The following LRFN2 variants were observed in gnomAD, a reference collection of about 807,000 sequenced individuals.
LRFN2 encodes leucine rich repeat and fibronectin type III domain containing 2, also known as leucine-rich repeat and fibronectin type-III domain-containing protein 2.
In LRFN2, 18 loss-of-function variants were observed where a neutral mutation model predicts 37.3. The ratio of observed to expected loss-of-function variants is 0.48; its 90% confidence interval spans 0.33 to 0.72. The LOEUF (loss-of-function observed/expected upper bound fraction) is 0.72, where lower values mean the gene tolerates loss of function less well. Ranked by LOEUF, LRFN2 falls within the 30% of genes least tolerant of loss-of-function variation. The pLI is 0.02. For missense variants in LRFN2, 1,006 were observed against 1,060.7 expected, an observed-to-expected ratio of 0.95 and a Z score of 0.72; for synonymous variants, 556 against 466.6, an observed-to-expected ratio of 1.19 and a Z score of -2.47.
intron 2 of LRFN2, among the ~76,000 whole-genome samples, chr6:40,398,927 C>A (rs757505406): frequency 2.0e-5 from 3 of 151,850 alleles, no homozygotes; most frequent in Non-Finnish European, 4.4e-5. Context: ...CTACTGTGGG[C>A]TCTCGAATCT....
chr6:40,454,773 A>G (rs547503739), intron 1 of LRFN2, among the ~76,000 whole-genome samples: 9 of 152,330 alleles, frequency 5.9e-5, no homozygotes, highest in Non-Finnish European at 1.3e-4. Flanking sequence ...TTGTTATAGC[A>G]TTGTTTATAA....
chr6:40,561,616 T>C (rs1482135250), intron 1 of LRFN2, among the ~76,000 whole-genome samples: 1 of 152,196 alleles, frequency 6.6e-6, no homozygotes, highest in Non-Finnish European at 1.5e-5. Flanking sequence ...TACTCTCTTC[T>C]TGGGCTTCCA....
At chr6:40,554,830 G>A (rs1024805546) in intron 1 of LRFN2, among the ~76,000 whole-genome samples, 11 of 152,078 alleles carry the variant, frequency 7.2e-5, no homozygotes, top group African/African-American at 2.7e-4. Flanking sequence ...TCTGCACTCA[G>A]ACAGTTTCTT....
In LRFN2 at chr6:40,516,812, C is replaced by T. The variant is rs9380967; in HGVS notation, c.-19+70129G>A. Reference sequence around the variant, plus strand: ...ATTCTGAGCCTTGCTTGCTATGTCACCTTAGAAATACACCTCCCCTCTATG... The same window carrying T: ...ATTCTGAGCCTTGCTTGCTATGTCATCTTAGAAATACACCTCCCCTCTATG... On this transcript the variant is annotated intron_variant, in intron 1 of 2. Transcript: ENST00000338305. 1.4e-3 allele frequency among the ~76,000 whole-genome samples: 220 copies of T among 152,222 alleles called. 7 individuals are homozygous for T. In the East Asian group the frequency reaches 0.034, roughly 24 times the overall value.
chr6:40,508,325 G>T (rs572467969), intron 1 of LRFN2, among the ~76,000 whole-genome samples: 2 of 152,278 alleles, frequency 1.3e-5, no homozygotes, highest in South Asian at 4.1e-4. Flanking sequence ...GTCTCTCTCT[G>T]CTCATCTCCC....
chr6:40,513,905 G>C (rs1765782166), intron 1 of LRFN2, among the ~76,000 whole-genome samples: 1 of 152,028 alleles, frequency 6.6e-6, no homozygotes, highest in Admixed American at 6.5e-5. Flanking sequence ...TGTGTGCAAA[G>C]TCTCGGGGGT....
chr6:40,585,828 C>T lies in LRFN2; in HGVS notation c.-19+1113G>A, dbSNP rs147202553. 5.1e-3 allele frequency among the ~76,000 whole-genome samples: 774 copies of T among 151,448 alleles called. 1 individual carries two copies. Among genetic ancestry groups the T allele is most frequent in the Non-Finnish European group, 9.0e-3 (613 of 67,900 alleles). On this transcript the variant is annotated intron_variant, in intron 1 of 2. Coordinates refer to ENST00000338305, the MANE Select transcript of LRFN2 (RefSeq NM_020737.3). ...ACAGCTGCCACCTCCCTGAAACATACACATGCGTACACACACACACGCGTA... is the reference window on the plus strand; with the variant it reads ...ACAGCTGCCACCTCCCTGAAACATATACATGCGTACACACACACACGCGTA...
intron 1 of LRFN2, among the ~76,000 whole-genome samples, chr6:40,508,370 C>T (rs1486504272): frequency 6.6e-6 from 1 of 152,214 alleles, no homozygotes; most frequent in Non-Finnish European, 1.5e-5. Context: ...GCATCACTCT[C>T]CCTGCTCTCT....
chr6:40,548,185 A>G lies in LRFN2; in HGVS notation c.-19+38756T>C, dbSNP rs1433509012. On this transcript the variant is annotated intron_variant, in intron 1 of 2. Transcript: ENST00000338305. ...CTGGGCACAGTGGCTCACACCTATA[A>G]TCCCAGCACTTTGGGAGGCCGAGGT... Among the ~76,000 whole-genome samples the G allele has an allele frequency of 3.3e-5, 5 of 152,282 alleles. No individual in the cohort carries two copies. In the East Asian group the frequency reaches 7.7e-4, roughly 24 times the overall value.
At chr6:40,511,148 G>A (rs148714650) in intron 1 of LRFN2, among the ~76,000 whole-genome samples, 136 of 152,200 alleles carry the variant, frequency 8.9e-4, no homozygotes, top group Non-Finnish European at 1.0e-3. Flanking sequence ...GAGGGGGCAC[G>A]AAGGTCAGAT....
chr6:40,399,337 C>T (rs1762681103), intron 2 of LRFN2, among the ~76,000 whole-genome samples: 1 of 151,634 alleles, frequency 6.6e-6, no homozygotes, highest in African/African-American at 2.4e-5. Flanking sequence ...TGCTCCCATG[C>T]TCACTGCCCC....
chr6:40,559,855 GC>G (rs1325691689), intron 1 of LRFN2, among the ~76,000 whole-genome samples: 4 of 152,106 alleles, frequency 2.6e-5, no homozygotes, highest in Non-Finnish European at 5.9e-5. Context: ...CTCCTTCTCT[GC>G]CGTTCTTCCA....
chr6:40,405,207 A>T (rs1402676208), intron 2 of LRFN2, among the ~76,000 whole-genome samples: 1 of 152,208 alleles, frequency 6.6e-6, no homozygotes, highest in Non-Finnish European at 1.5e-5. Context: ...ATCCAATAAC[A>T]ATGATAGATG....
At chr6:40,479,806 AG>A (rs1764786890) in intron 1 of LRFN2, among the ~76,000 whole-genome samples, 1 of 152,236 alleles carries the variant, frequency 6.6e-6, no homozygotes, top group South Asian at 2.1e-4. Flanking sequence ...AGACCATGCC[AG>A]GATGGAGCCT....
chr6:40,544,100 G>T (rs1766607480), intron 1 of LRFN2, among the ~76,000 whole-genome samples: 1 of 152,234 alleles, frequency 6.6e-6, no homozygotes, highest in East Asian at 1.9e-4. Context: ...TCCAAGCCTG[G>T]AAGGAACTAT....
At chr6:40,550,953 T>G (rs938927946) in intron 1 of LRFN2, among the ~76,000 whole-genome samples, 2 of 152,148 alleles carry the variant, frequency 1.3e-5, no homozygotes, top group African/African-American at 4.8e-5. Flanking sequence ...CAAGAGTATG[T>G]GTTGGCAGCC....
At chr6:40,414,436 T>A (rs979599143) in intron 2 of LRFN2, among the ~76,000 whole-genome samples, 1 of 152,210 alleles carries the variant, frequency 6.6e-6, no homozygotes, top group African/African-American at 2.4e-5. Context: ...TTTGTCAGGA[T>A]GTTGAAATAA....
intron 2 of LRFN2, among the ~76,000 whole-genome samples, chr6:40,412,123 T>C (rs1762983277): frequency 6.6e-6 from 1 of 152,048 alleles, no homozygotes; most frequent in Non-Finnish European, 1.5e-5. Context: ...TGAGCTCTTG[T>C]TATCATGCTC....
At chr6:40,449,272 C>T (rs749913695) in intron 1 of LRFN2, among the ~76,000 whole-genome samples, 1 of 152,082 alleles carries the variant, frequency 6.6e-6, no homozygotes, top group Non-Finnish European at 1.5e-5. Flanking sequence ...CCTTTGTACC[C>T]CATAAATATA....
Sources: gnomAD v4.1 joint callset for allele counts (sites outside exome capture counted in the v4.1 genomes callset) on GRCh38, gnomAD v4.1.1 for gene constraint, MANE v1.5 for transcripts, NCBI Gene and HGNC (gene_info 2026-07-23, HGNC 2026-07-21) for gene names.